NPSR1: variants seen among roughly 807,000 people sequenced by gnomAD.
NPSR1 encodes the protein neuropeptide S receptor 1.
NPSR1 carries 48 observed loss-of-function variants against 46.9 expected under a neutral mutation model. The ratio of observed to expected loss-of-function variants is 1.02; its 90% CI spans 0.81 to 1.30. The LOEUF is 1.30. Among genes scored for constraint, NPSR1 ranks in the 50% most tolerant of loss-of-function variants. The pLI is 0.00. For synonymous variants in NPSR1, 176 were observed against 168.1 expected, an observed-to-expected ratio of 1.05 and a Z score of -0.36; for missense variants, 450 against 449.5, an observed-to-expected ratio of 1.00 and a Z score of -0.01.
At chr7:34,865,371 G>GA (rs1791287386) in intron 8 of NPSR1, among the ~76,000 whole-genome samples, 1 of 151,704 alleles carries the variant, frequency 6.6e-6, no homozygotes, top group South Asian at 2.1e-4. Flanking sequence ...AGACGCGGAA[G>GA]AAACTTCTGA....
At chr7:34,854,349 C>T (rs1288676853), downstream of NPSR1, among the ~76,000 whole-genome samples, 2 of 151,888 alleles carry the variant, frequency 1.3e-5, no homozygotes, top group African/African-American at 2.4e-5. Flanking sequence ...ATTAAATGCC[C>T]CAGTTAATAA....
At chr7:34,823,404 A>AAAAAAAC (rs1554336135) in intron 4 of NPSR1, among the ~76,000 whole-genome samples, 3 of 145,296 alleles carry the variant, frequency 2.1e-5, no homozygotes, top group Non-Finnish European at 4.5e-5. Flanking sequence ...CACCAGAAAA[A>AAAAAAAC]AAAAAAAAAA....
intron 3 of NPSR1, among the ~76,000 whole-genome samples, chr7:34,785,762 A>G (rs1276862680): frequency 6.6e-6 from 1 of 152,184 alleles, no homozygotes; most frequent in Non-Finnish European, 1.5e-5. Flanking sequence ...AATAAAGCTA[A>G]TCACAATATT....
At chr7:34,774,002 C>T (rs1786816725) in intron 2 of NPSR1, among the ~76,000 whole-genome samples, 1 of 152,170 alleles carries the variant, frequency 6.6e-6, no homozygotes. Flanking sequence ...CATTCAGGTC[C>T]CTGTCCACAC....
intron 8 of NPSR1, among the ~76,000 whole-genome samples, chr7:34,877,296 T>G (rs1433706405): frequency 6.6e-5 from 10 of 151,868 alleles, no homozygotes; most frequent in Non-Finnish European, 1.2e-4. Flanking sequence ...CAAGCTGAGA[T>G]CAAAATGGTG....
intron 2 of NPSR1, among the ~76,000 whole-genome samples, chr7:34,773,410 A>C (rs1337896299): frequency 6.6e-6 from 1 of 152,148 alleles, no homozygotes; most frequent in Non-Finnish European, 1.5e-5. Flanking sequence ...ATCACATACT[A>C]TGTTGTGGGA....
At chr7:34,669,986 T>C (rs989539434) in intron 1 of NPSR1, among the ~76,000 whole-genome samples, 1 of 152,196 alleles carries the variant, frequency 6.6e-6, no homozygotes, top group African/African-American at 2.4e-5. Flanking sequence ...ATAGAATACA[T>C]GGAAGGACAT....
chr7:34,775,676 C>G (rs894727790), intron 2 of NPSR1, among the ~76,000 whole-genome samples: 1 of 152,014 alleles, frequency 6.6e-6, no homozygotes, highest in Non-Finnish European at 1.5e-5. Context: ...TTTCAAAAAT[C>G]CAACTTTTTG....
intron 7 of NPSR1, among the ~76,000 whole-genome samples, chr7:34,847,201 C>A (rs1163146162): frequency 6.6e-6 from 1 of 152,148 alleles, no homozygotes; most frequent in African/African-American, 2.4e-5. Context: ...ATCCACATTA[C>A]ACAGTTATGA....
intron 3 of NPSR1, among the ~76,000 whole-genome samples, chr7:34,801,520 C>A (rs1379279179): frequency 1.5e-5 from 2 of 131,536 alleles, no homozygotes; most frequent in African/African-American, 3.3e-5. Flanking sequence ...ATTCAACAAC[C>A]CTTCATGCTA....
chr7:34,658,881 G>A (rs1326121423), intron 1 of NPSR1, among the ~76,000 whole-genome samples: 1 of 152,142 alleles, frequency 6.6e-6, no homozygotes, highest in Non-Finnish European at 1.5e-5. Context: ...TCCTATAGCA[G>A]TACTTGAAAT....
At chr7:34,786,802 T>C (rs957257858) in intron 3 of NPSR1, among the ~76,000 whole-genome samples, 3 of 152,120 alleles carry the variant, frequency 2.0e-5, no homozygotes, top group Non-Finnish European at 4.4e-5. Flanking sequence ...AGGAATCTTT[T>C]TTTCTGAGCA....
At chr7:34,709,084 T>C (rs868339863) in intron 2 of NPSR1, among the ~76,000 whole-genome samples, 2 of 151,976 alleles carry the variant, frequency 1.3e-5, no homozygotes, top group African/African-American at 2.4e-5. Context: ...GAGCCAGGAG[T>C]TGCAGGGTCA....
At chr7:34,751,598 G>A (rs1323093668) in intron 2 of NPSR1, 37 of 1,601,828 alleles carry the variant, frequency 2.3e-5, no homozygotes, top group Middle Eastern at 3.3e-4. Flanking sequence ...CGGAGAACTC[G>A]GCGCTGACAG....
In NPSR1 at chr7:34,813,977, G is replaced by A. The variant is rs188294879; in HGVS notation, c.478+2114G>A. On this transcript the variant is annotated intron_variant, in intron 4 of 8. Coordinates refer to ENST00000360581, the MANE Select transcript of NPSR1 (RefSeq NM_207172.2). Reference sequence around the variant, plus strand: ...CAAATAGGAACAGCTCTGGTCTGCAGCTCCCAGCATGATCGATGCAGAAGA... The same window carrying A: ...CAAATAGGAACAGCTCTGGTCTGCAACTCCCAGCATGATCGATGCAGAAGA... Among the ~76,000 whole-genome samples, 133 of 152,350 alleles carry A rather than the reference G, an allele frequency of 8.7e-4. 4 individuals are homozygous for A. In the East Asian group the frequency reaches 0.018, roughly 21 times the overall value.
intron 3 of NPSR1, among the ~76,000 whole-genome samples, chr7:34,809,421 C>G (rs1189042337): frequency 5.4e-5 from 8 of 149,278 alleles, no homozygotes; most frequent in African/African-American, 2.0e-4. Context: ...AAACTTGTGT[C>G]ATGGGGGTTT....
intron 8 of NPSR1, among the ~76,000 whole-genome samples, chr7:34,857,944 G>T (rs967566751): frequency 1.3e-5 from 2 of 151,546 alleles, no homozygotes; most frequent in Admixed American, 6.6e-5. Flanking sequence ...ACTATGAAAA[G>T]GTGTTTAATC....
intron 3 of NPSR1, among the ~76,000 whole-genome samples, chr7:34,791,173 A>G (rs1309999087): frequency 7.1e-5 from 8 of 112,734 alleles, no homozygotes; most frequent in African/African-American, 2.6e-4. Flanking sequence ...TATGTTATAT[A>G]TTATATTATA....
chr7:34,727,225 T>C (rs966275730), intron 2 of NPSR1, among the ~76,000 whole-genome samples: 6 of 152,128 alleles, frequency 3.9e-5, no homozygotes, highest in Non-Finnish European at 8.8e-5. Context: ...CAATTATATT[T>C]TAATAAAGCT....
Sources: allele counts gnomAD v4.1 joint callset (sites outside exome capture counted in the v4.1 genomes callset), GRCh38; gene constraint gnomAD v4.1.1; transcripts MANE v1.5; gene names NCBI Gene and HGNC (gene_info 2026-07-23, HGNC 2026-07-21).